The following HGF variants were observed in gnomAD, a reference collection of about 807,000 sequenced individuals.
The protein encoded by HGF is fibroblast-derived tumor cytotoxic factor.
A neutral mutation model predicts 111.6 loss-of-function variants in HGF; 39 were observed. The observed-to-expected ratio is 0.35, with a 90% CI of 0.27 to 0.46. The LOEUF (loss-of-function observed/expected upper bound fraction) is 0.46, where lower values mean the gene tolerates loss of function less well. HGF is among the 20% of genes least tolerant of loss of function. The pLI, the probability that HGF is intolerant of heterozygous loss-of-function variation, is 1.00. For synonymous variants in HGF, 285 were observed against 294.8 expected (o/e 0.97, Z 0.34); for missense variants, 735 against 910.5 (o/e 0.81, Z 2.48).
At chr7:81,711,582 C>G in intron 11 of HGF, 63 bp from the exon 12 acceptor site, 1 of 685,688 alleles carries the variant, frequency 1.5e-6, no homozygotes, top group East Asian at 2.9e-5. Context: ...TTATATAAAA[C>G]CAAATATATA....
At position 81,752,010 on chromosome 7, in the gene HGF, C is replaced by T. The variant is rs5745646; in HGVS notation, c.625+110G>A. 1,196,334 of 1,528,456 alleles carry T rather than the reference C, an allele frequency of 0.78. 470,546 individuals carry two copies. The highest frequency in any genetic ancestry group is 0.95 in the African/African-American group (68,893 of 72,364). 94.7% of individuals were successfully genotyped at this position (1,528,456 alleles called of 1,614,324 possible). A position where few individuals can be genotyped will look rare whatever the true frequency, so the allele number is the denominator to read the frequency against. ...ATAATTATTTGTAGTTGCATTTGCA[C>T]GAACAACATATTTGTTATGATTGAT... On this transcript the variant is annotated intron_variant, in intron 5 of 17. Coordinates refer to ENST00000222390, the MANE Select transcript of HGF (RefSeq NM_000601.6).
In HGF at chr7:81,729,728, A is replaced by C; in HGVS notation, c.917T>G (p.Ile306Ser). 1 of 1,613,926 alleles carries C rather than the reference A, an allele frequency of 6.2e-7. No homozygotes were observed. Among genetic ancestry groups the C allele is most frequent in the East Asian group, 2.2e-5 (1 of 44,844 alleles). ...TDVPLETTEC[I>S]QGQGEGYRGT... ...CCTGTAGCCTTCTCCTTGACCTTGG[A>C]TGCATTCAGTTGTTTCCAAAGGAAC... The change falls in exon 8 of 18, where the codon ATC (isoleucine) becomes AGC (serine). Residue 306 changes from isoleucine to serine, a missense_variant. Physicochemically the swap from Ile to Ser is moderately radical, Grantham distance 142 (BLOSUM62 -2). This residue lies in a region of HGF where 553 missense variants were observed against 685.6 expected (regional missense o/e 0.81). Coordinates refer to ENST00000222390, the MANE Select transcript of HGF (RefSeq NM_000601.6).
chr7:81,718,397 C>T (rs191847029), intron 10 of HGF, among the ~76,000 whole-genome samples: 4 of 152,150 alleles, frequency 2.6e-5, no homozygotes, highest in Admixed American at 6.5e-5. Flanking sequence ...GAGAGGAAAA[C>T]TAATTGGTGT....
At chr7:81,757,340 C>G (rs777634868) in intron 3 of HGF, 37 bp from the exon 4 acceptor site, 1 of 1,061,764 alleles carries the variant, frequency 9.4e-7, no homozygotes, top group African/African-American at 1.6e-5. Context: ...TGCAACTATG[C>G]AAAACATATG....
chr7:81,768,986 G>T lies in HGF; in HGVS notation c.88+898C>A, dbSNP rs190934880. ...TACAGCCAGTTCTCTTTTTTATATT[G>T]TAAAAAGGCCATGTCTCCATCTGGG... On this transcript the variant is annotated intron_variant, in intron 1 of 17. Coordinates refer to ENST00000222390, the MANE Select transcript of HGF (RefSeq NM_000601.6). Among the ~76,000 whole-genome samples the T allele has an allele frequency of 2.9e-3, 437 of 152,026 alleles. 3 individuals are homozygous for T. The highest frequency in any genetic ancestry group is 0.01 in the African/African-American group (417 of 41,458).
intron 5 of HGF, among the ~76,000 whole-genome samples, chr7:81,748,844 A>G (rs1788379785): frequency 6.6e-6 from 1 of 152,244 alleles, no homozygotes; most frequent in Admixed American, 6.5e-5. Context: ...CAGAGGATTA[A>G]TTTAACAGCT....
At chr7:81,721,054 G>A (rs1248894600) in intron 9 of HGF, among the ~76,000 whole-genome samples, 1 of 152,148 alleles carries the variant, frequency 6.6e-6, no homozygotes, top group Non-Finnish European at 1.5e-5. Context: ...GACCATCCTG[G>A]CTAACACGGT....
intron 9 of HGF, among the ~76,000 whole-genome samples, chr7:81,721,875 T>G (rs1789874822): frequency 6.6e-6 from 1 of 152,190 alleles, no homozygotes; most frequent in Non-Finnish European, 1.5e-5. Flanking sequence ...CCAAACAAAT[T>G]TTCACAAAAT....
intron 2 of HGF, among the ~76,000 whole-genome samples, chr7:81,759,645 CA>C (rs1788961236): frequency 6.6e-6 from 1 of 152,102 alleles, no homozygotes; most frequent in Admixed American, 6.6e-5. Flanking sequence ...GCTGGGACTA[CA>C]GGTGCCCACC....
rs745919057 is a variant in HGF at position 81,720,838 on chromosome 7, C to A, written c.1178G>T (p.Arg393Leu). Residue 393 changes from arginine to leucine, a missense_variant, in exon 10 of 18, where the codon CGT becomes CTT. This residue lies in a region of HGF where 553 missense variants were observed against 685.6 expected (regional missense o/e 0.81). Transcript: ENST00000222390. ...GCCCATATAATTTTTGCCATTCCCA[C>A]GATAACAATCTAGACATAAAATATA... ...CDMSHGQDCY[R>L]GNGKNYMGNL... 1.3e-6 allele frequency: 2 copies of A among 1,570,518 alleles called. No homozygotes were observed. Among genetic ancestry groups the A allele is most frequent in the East Asian group, 4.5e-5 (2 of 44,618 alleles).
At position 81,711,535 on chromosome 7, in the gene HGF, TATAG is replaced by T. The variant is rs1473764048; in HGVS notation, c.1406-20_1406-17del. ...TCACCTTCACCTGTAAAAATAAATG[TATAG>T]ATAAATACACAATTCATATATGCAT... On this transcript the variant is annotated splice_polypyrimidine_tract_variant and intron_variant, in intron 11 of 17. Transcript: ENST00000222390. 5 of 1,186,772 alleles carry T rather than the reference TATAG, an allele frequency of 4.2e-6. No individual in the cohort carries two copies. Among genetic ancestry groups the T allele is most frequent in the Non-Finnish European group, 6.2e-6 (5 of 809,374 alleles). The allele number at this position is 1,186,772 out of a possible 1,614,324, so 73.5% of individuals were successfully genotyped here.
In HGF at chr7:81,742,998, T is replaced by A. The variant is rs774383445; in HGVS notation, c.865+355A>T. 3 of 1,548,140 alleles carry A rather than the reference T, an allele frequency of 1.9e-6. No individual in the cohort carries two copies. In the Admixed American group the frequency reaches 5.0e-5, roughly 26 times the overall value. ...GATACAGGATTGGAAGGTAAGGAAC[T>A]AAGGTCCTAGCTTTTACTCCCCTAA... On this transcript the variant is annotated intron_variant, in intron 7 of 17. Transcript: ENST00000222390.
chr7:81,736,644 T>A, intron 7 of HGF: 1 of 441,632 alleles, frequency 2.3e-6, no homozygotes, highest in African/African-American at 2.0e-5. Flanking sequence ...AGGAAGAAAG[T>A]AAAATTTTTT....
intron 9 of HGF, among the ~76,000 whole-genome samples, chr7:81,724,614 G>C (rs924076553): frequency 1.3e-5 from 2 of 152,244 alleles, no homozygotes; most frequent in Middle Eastern, 6.8e-3. Flanking sequence ...TACATAGGTA[G>C]GTTTGTTATA....
At chr7:81,734,501 T>C (rs1026234096) in intron 7 of HGF, among the ~76,000 whole-genome samples, 1 of 152,164 alleles carries the variant, frequency 6.6e-6, no homozygotes, top group Non-Finnish European at 1.5e-5. Flanking sequence ...ATCTGATTGC[T>C]ACAAAATTTG....
rs151068465 is a variant in HGF, at chr7:81,720,876, C to T, written c.1169-29G>A. The T allele has an allele frequency of 5.4e-6, 6 of 1,111,566 alleles. No individual in the cohort carries two copies. The Admixed American group carries it at 6.8e-5, about 13-fold the overall frequency. The allele number at this position is 1,111,566 out of a possible 1,614,324, so 68.9% of individuals were successfully genotyped here. On this transcript the variant is annotated intron_variant, in intron 9 of 17. Transcript: ENST00000222390. ...GACATAAAATATACAGAAATAAGTC[C>T]AATGAATATCAAGGCAGATAAAACA...
intron 7 of HGF, chr7:81,743,022 A>G: frequency 7.5e-7 from 1 of 1,328,208 alleles, no homozygotes; most frequent in East Asian, 2.3e-5. Flanking sequence ...TTACTCCCCT[A>G]ATGACTTTGT....
At chr7:81,718,608 T>G (rs1789775910) in intron 10 of HGF, among the ~76,000 whole-genome samples, 1 of 152,204 alleles carries the variant, frequency 6.6e-6, no homozygotes, top group African/African-American at 2.4e-5. Context: ...AATTAAGTAT[T>G]ATTAGAGACC....
At position 81,705,628 on chromosome 7, in the gene HGF, C is replaced by A. The variant is rs2115764434; in HGVS notation, c.1864+19G>T. On this transcript the variant is annotated intron_variant, in intron 16 of 17. Transcript: ENST00000222390. Reference sequence around the variant, plus strand: ...TAAAATAAAATAAATATGGCCTCATCTTTTGAAAACTAGCTTACATCCAGT... The same window carrying A: ...TAAAATAAAATAAATATGGCCTCATATTTTGAAAACTAGCTTACATCCAGT... 2 of 1,598,996 alleles carry A rather than the reference C, an allele frequency of 1.3e-6. No individual in the cohort carries two copies. Among genetic ancestry groups the A allele is most frequent in the South Asian group, 2.2e-5 (2 of 90,768 alleles).
Sources: gnomAD v4.1 joint callset for allele counts (sites outside exome capture counted in the v4.1 genomes callset) on GRCh38, gnomAD v4.1.1 for gene constraint, gnomAD v4.1.1 regional missense constraint, MANE v1.5 for transcripts, NCBI Gene and HGNC (gene_info 2026-07-23, HGNC 2026-07-21) for gene names.